SCOC: variants seen among roughly 807,000 people sequenced by gnomAD.
The protein encoded by SCOC is short coiled-coil protein, also known as short coiled coil protein.
A neutral mutation model predicts 9.9 loss-of-function variants in SCOC; 7 were observed. The observed-to-expected ratio is 0.71, with a 90% CI of 0.40 to 1.33. The LOEUF (loss-of-function observed/expected upper bound fraction) is 1.33. SCOC is among the 40% of genes most tolerant of loss of function. The pLI is 0.01. For synonymous variants in SCOC, 19 were observed against 28.2 expected (o/e 0.67, Z 1.03); for missense variants, 66 against 89.7 (o/e 0.74, Z 1.07).
rs1404025754 is a variant in SCOC, at chr4:140,381,875, T to A, written c.*771T>A. ...GTCATGTGTATGTTAAAATAGAAAA[T>A]TTTGAGGAAAAATGGAAATAGGGTG... is the stretch of plus-strand genomic sequence containing the variant. On this transcript the variant is annotated 3_prime_UTR_variant, in exon 4 of 4. Coordinates refer to ENST00000608372, the MANE Select transcript of SCOC (RefSeq NM_001153484.2). The A allele has an allele frequency of 6.6e-6, 1 of 152,126 alleles. No homozygotes were observed. The highest frequency in any genetic ancestry group is 1.5e-5 in the Non-Finnish European group (1 of 68,004). 9.4% of individuals were successfully genotyped at this position (152,126 alleles called of 1,614,324 possible). A position where few individuals can be genotyped will look rare whatever the true frequency, so the allele number is the denominator to read the frequency against.
chr4:140,299,210 A>G (rs908325336), intron 1 of SCOC, among the ~76,000 whole-genome samples: 6 of 152,230 alleles, frequency 3.9e-5, no homozygotes, highest in Non-Finnish European at 5.9e-5. Context: ...GCAATACATA[A>G]TAATCAAGCA....
At chr4:140,292,340 C>T (rs568967082) in intron 1 of SCOC, among the ~76,000 whole-genome samples, 74 of 152,140 alleles carry the variant, frequency 4.9e-4, no homozygotes, top group Non-Finnish European at 8.5e-4. Context: ...AGGTGCGTGC[C>T]ACCATGCCCA....
rs1209286996 is a variant in SCOC at position 140,334,478 on chromosome 4, T to C, written c.-18-9143T>C. On this transcript the variant is annotated intron_variant, in intron 1 of 4. Coordinates refer to the SCOC transcript ENST00000394205. Reference sequence around the variant, plus strand: ...ATGACATATAATTTAAATACACTTGTGAAAACAAAAAGATAAATTCATTTA... The same window carrying C: ...ATGACATATAATTTAAATACACTTGCGAAAACAAAAAGATAAATTCATTTA... Among the ~76,000 whole-genome samples, 8 of 152,184 alleles carry C rather than the reference T, an allele frequency of 5.3e-5. No homozygotes were observed. In the South Asian group the frequency reaches 1.4e-3, roughly 28 times the overall value.
intron 1 of SCOC, among the ~76,000 whole-genome samples, chr4:140,331,589 T>C (rs12645464): frequency 0.18 from 27,543 of 152,110 alleles, 3,270 homozygotes; most frequent in African/African-American, 0.33. Context: ...ATTTGGCTTC[T>C]AGAACATGAG....
At chr4:140,362,313 T>TCTTCCTCTTCCTC (rs1727594134) in intron 2 of SCOC, among the ~76,000 whole-genome samples, 1 of 84,176 alleles carries the variant, frequency 1.2e-5, no homozygotes. Flanking sequence ...TTTTTTTTTT[T>TCTTCCTCTTCCTC]TTGTGAGAGT....
intron 1 of SCOC, chr4:140,285,230 C>T: frequency 2.2e-6 from 1 of 456,748 alleles, no homozygotes; most frequent in South Asian, 1.5e-5. Flanking sequence ...CTCTGCCTCC[C>T]TGCAATCGAC....
At chr4:140,364,933 G>T (rs542915092) in intron 2 of SCOC, among the ~76,000 whole-genome samples, 237 of 151,906 alleles carry the variant, frequency 1.6e-3, no homozygotes, top group Non-Finnish European at 2.8e-3. Flanking sequence ...TATTACACAG[G>T]GTACTCAATG....
At chr4:140,365,172 C>CAA (rs3034544) in intron 2 of SCOC, among the ~76,000 whole-genome samples, 36,290 of 141,382 alleles carry the variant, frequency 0.26, 5,149 homozygotes, top group African/African-American at 0.39. Context: ...ATGGATATGG[C>CAA]AAAAAAAAAA....
At position 140,382,529 on chromosome 4, in the gene SCOC, G is replaced by A. The variant is rs548936020; in HGVS notation, c.*1425G>A. The A allele has an allele frequency of 3.3e-5, 5 of 152,622 alleles. No homozygotes were observed. Among genetic ancestry groups the A allele is most frequent in the South Asian group, 2.1e-4 (1 of 4,824 alleles). The allele number at this position is 152,622 out of a possible 1,614,324, so 9.5% of individuals were successfully genotyped here. On this transcript the variant is annotated 3_prime_UTR_variant, in exon 4 of 4. Transcript: ENST00000608372. Reference sequence around the variant, plus strand: ...AATTGTGTTGCAGTTCTGCTTTGCCGTTTAATAAAAAGCTATTTCAGAGGT... The same window carrying A: ...AATTGTGTTGCAGTTCTGCTTTGCCATTTAATAAAAAGCTATTTCAGAGGT...
At chr4:140,304,964 A>G (rs1316097534) in intron 1 of SCOC, among the ~76,000 whole-genome samples, 3 of 152,140 alleles carry the variant, frequency 2.0e-5, no homozygotes, top group Non-Finnish European at 4.4e-5. Context: ...CTGCTGTGCT[A>G]TTATAAGTAT....
intron 1 of SCOC, among the ~76,000 whole-genome samples, chr4:140,281,813 A>G (rs991351988): frequency 6.6e-6 from 1 of 152,124 alleles, no homozygotes; most frequent in Non-Finnish European, 1.5e-5. Context: ...GCAACGGAAG[A>G]GCCTCTGGGG....
At chr4:140,360,855 T>C (rs1727434659) in intron 2 of SCOC, 1 of 152,240 alleles carries the variant, frequency 6.6e-6, no homozygotes, top group Non-Finnish European at 1.5e-5. Flanking sequence ...TTTTTATTAA[T>C]GGCCATTGAC....
intron 1 of SCOC, among the ~76,000 whole-genome samples, chr4:140,268,227 T>C (rs1464225792): frequency 6.6e-6 from 1 of 152,230 alleles, no homozygotes; most frequent in Non-Finnish European, 1.5e-5. Flanking sequence ...ACTGAATTAC[T>C]GTCGCATTCT....
intron 2 of SCOC, among the ~76,000 whole-genome samples, chr4:140,344,077 G>A (rs572301734): frequency 1.3e-5 from 2 of 152,230 alleles, no homozygotes; most frequent in Non-Finnish European, 2.9e-5. Context: ...TATCATTACT[G>A]AAAACTGAAC....
At chr4:140,346,884 A>G (rs1264516485) in intron 2 of SCOC, among the ~76,000 whole-genome samples, 1 of 152,192 alleles carries the variant, frequency 6.6e-6, no homozygotes, top group Non-Finnish European at 1.5e-5. Context: ...TCTCTCAGAC[A>G]CTGAAAGGAC....
At chr4:140,287,825 GAC>G (rs1183784671) in intron 1 of SCOC, among the ~76,000 whole-genome samples, 5 of 151,734 alleles carry the variant, frequency 3.3e-5, no homozygotes, top group African/African-American at 4.8e-5. Flanking sequence ...CACACACATA[GAC>G]ACACACTATG....
intron 1 of SCOC, among the ~76,000 whole-genome samples, chr4:140,301,212 G>A (rs1478975257): frequency 6.6e-6 from 1 of 152,134 alleles, no homozygotes; most frequent in Non-Finnish European, 1.5e-5. Flanking sequence ...ATGTACAAGT[G>A]AAGGAACTCT....
chr4:140,339,430 T>A (rs1346708221), upstream of SCOC, among the ~76,000 whole-genome samples: 196 of 152,058 alleles, frequency 1.3e-3, 3 homozygotes, highest in African/African-American at 4.5e-3. Flanking sequence ...CAATGGCAAC[T>A]AAAGCCAAAA....
intron 1 of SCOC, among the ~76,000 whole-genome samples, chr4:140,333,671 G>A (rs1413957983): frequency 6.8e-6 from 1 of 146,530 alleles, no homozygotes; most frequent in Non-Finnish European, 1.5e-5. Flanking sequence ...GCAGAACTGG[G>A]AGTCTTGGAA....
Sources: gnomAD v4.1 joint callset for allele counts (sites outside exome capture counted in the v4.1 genomes callset) on GRCh38, gnomAD v4.1.1 for gene constraint, MANE v1.5 for transcripts, NCBI Gene and HGNC (gene_info 2026-07-23, HGNC 2026-07-21) for gene names.